Variants in PRKD1 observed in about 807,000 individuals in gnomAD.
PRKD1 encodes the protein serine/threonine-protein kinase D1.
PRKD1 carries 63 observed loss-of-function variants against 95.9 expected under a neutral mutation model. The observed-to-expected ratio is 0.66, with a 90% CI of 0.54 to 0.81. The LOEUF (loss-of-function observed/expected upper bound fraction) is 0.81, where lower values mean the gene tolerates loss of function less well. PRKD1 is among the 30% of genes least tolerant of loss of function. PRKD1 has a pLI of 0.00. For missense variants in PRKD1, 1,048 were observed against 1,165.3 expected (o/e 0.90, Z 1.47); for synonymous variants, 425 against 423.1 (o/e 1.00, Z -0.05).
Position 29,839,359 on chromosome 14 carries a change from G to A in PRKD1, c.264+87890C>T, listed in dbSNP as rs182019524. On this transcript the variant is annotated intron_variant, in intron 1 of 17. Coordinates refer to ENST00000331968, the MANE Select transcript of PRKD1 (RefSeq NM_002742.3). ...AGAATTGTAATAGGAGATGAATCAT[G>A]GTACCACCAGTACTATCCTGAAAAC... is the stretch of plus-strand genomic sequence containing the variant. Among the ~76,000 whole-genome samples, 92 of 152,282 alleles carry A rather than the reference G, an allele frequency of 6.0e-4. No homozygotes were observed. The South Asian group carries it at 0.017, about 28-fold the overall frequency.
chr14:29,610,561 T>C (rs1203971263), intron 13 of PRKD1, among the ~76,000 whole-genome samples: 1 of 152,198 alleles, frequency 6.6e-6, no homozygotes. Context: ...CTTTAATTCA[T>C]TGCTGGTGGG....
chr14:29,925,766 G>A (rs1261454746), intron 1 of PRKD1, among the ~76,000 whole-genome samples: 2 of 152,186 alleles, frequency 1.3e-5, no homozygotes, highest in African/African-American at 2.4e-5. Flanking sequence ...AGTTAAAATT[G>A]TACAGAATTA....
intron 1 of PRKD1, among the ~76,000 whole-genome samples, chr14:29,779,714 A>G (rs1888953210): frequency 6.6e-6 from 1 of 152,214 alleles, no homozygotes; most frequent in Non-Finnish European, 1.5e-5. Flanking sequence ...CATACTGCCC[A>G]AGGTAATTTA....
chr14:29,848,330 C>A (rs1021750623), intron 1 of PRKD1, among the ~76,000 whole-genome samples: 2 of 152,008 alleles, frequency 1.3e-5, no homozygotes, highest in African/African-American at 4.8e-5. Context: ...GCTGAAGTGA[C>A]GTCCAGAAGA....
chr14:29,664,284 T>C (rs1012391755), intron 3 of PRKD1, among the ~76,000 whole-genome samples: 1 of 152,290 alleles, frequency 6.6e-6, no homozygotes, highest in Non-Finnish European at 1.5e-5. Flanking sequence ...CTTGTCTACA[T>C]GGCCTGGAAC....
chr14:29,818,683 T>C (rs371965541), intron 1 of PRKD1, among the ~76,000 whole-genome samples: 6 of 151,734 alleles, frequency 4.0e-5, no homozygotes, highest in East Asian at 1.9e-4. Context: ...TCAATATCAA[T>C]GGAAAGTCAC....
chr14:29,902,141 C>T (rs45613335), intron 1 of PRKD1, among the ~76,000 whole-genome samples: 9,849 of 152,022 alleles, frequency 0.065, 398 homozygotes, highest in South Asian at 0.11. Context: ...CACCTGGAAT[C>T]CCAGCTACTT....
intron 4 of PRKD1, among the ~76,000 whole-genome samples, chr14:29,643,674 T>C (rs1200453955): frequency 2.0e-5 from 3 of 152,236 alleles, no homozygotes; most frequent in Non-Finnish European, 4.4e-5. Context: ...CAACAAGGTA[T>C]ATTCCACTTA....
intron 13 of PRKD1, among the ~76,000 whole-genome samples, chr14:29,612,115 T>C (rs1367118943): frequency 2.6e-5 from 4 of 152,200 alleles, no homozygotes; most frequent in Non-Finnish European, 5.9e-5. Flanking sequence ...AAAGTGAGCA[T>C]GTAGGGTCTA....
intron 2 of PRKD1, among the ~76,000 whole-genome samples, chr14:29,667,350 G>GT (rs1882583431): frequency 1.3e-5 from 2 of 152,146 alleles, no homozygotes; most frequent in African/African-American, 4.8e-5. Context: ...ACTTAACTTT[G>GT]TAAGATTTTA....
At chr14:29,734,846 CT>C (rs1406707132) in intron 1 of PRKD1, among the ~76,000 whole-genome samples, 1 of 152,148 alleles carries the variant, frequency 6.6e-6, no homozygotes, top group Non-Finnish European at 1.5e-5. Flanking sequence ...TTGGCTTGGC[CT>C]CCCTGAGCTC....
intron 13 of PRKD1, among the ~76,000 whole-genome samples, chr14:29,618,904 C>G (rs889868633): frequency 6.6e-6 from 1 of 152,110 alleles, no homozygotes; most frequent in Non-Finnish European, 1.5e-5. Flanking sequence ...ATCTGAGGAC[C>G]TAGCAGAGCT....
At chr14:29,827,424 G>A (rs896183908) in intron 1 of PRKD1, among the ~76,000 whole-genome samples, 1 of 152,074 alleles carries the variant, frequency 6.6e-6, no homozygotes, top group Non-Finnish European at 1.5e-5. Context: ...TCTGGACTCT[G>A]AGTCCAGAGA....
At chr14:29,642,596 T>A (rs539268757) in intron 4 of PRKD1, among the ~76,000 whole-genome samples, 72 of 152,322 alleles carry the variant, frequency 4.7e-4, no homozygotes, top group African/African-American at 1.7e-3. Flanking sequence ...TTTCATTATA[T>A]ATCAAGTTTA....
At chr14:29,749,322 A>C (rs1887372099) in intron 1 of PRKD1, among the ~76,000 whole-genome samples, 1 of 152,180 alleles carries the variant, frequency 6.6e-6, no homozygotes, top group Admixed American at 6.5e-5. Context: ...GGGGTGGTAA[A>C]CCAGTTGTTA....
intron 2 of PRKD1, among the ~76,000 whole-genome samples, chr14:29,666,585 A>G (rs1416522514): frequency 1.3e-5 from 2 of 152,170 alleles, no homozygotes; most frequent in African/African-American, 2.4e-5. Flanking sequence ...ATTCAAAAAT[A>G]TTAATGAAAA....
intron 2 of PRKD1, among the ~76,000 whole-genome samples, chr14:29,705,831 C>T (rs890183244): frequency 6.6e-6 from 1 of 152,114 alleles, no homozygotes; most frequent in Non-Finnish European, 1.5e-5. Context: ...TAATATTCTA[C>T]TGAATGGGTA....
In PRKD1 at chr14:29,629,024, A is replaced by C; in HGVS notation, c.1725+17T>G. 7 of 1,522,438 alleles carry C rather than the reference A, an allele frequency of 4.6e-6. No individual in the cohort carries two copies. The highest frequency in any genetic ancestry group is 1.9e-5 in the Admixed American group (1 of 52,092). The allele number at this position is 1,522,438 out of a possible 1,614,324, so 94.3% of individuals were successfully genotyped here. On this transcript the variant is annotated intron_variant, in intron 11 of 17. Transcript: ENST00000331968. ...TAATCACATTAGCAAGTTTTATATTAGTAGGTACATACTTACCACATTTTC... is the reference window on the plus strand; with the variant it reads ...TAATCACATTAGCAAGTTTTATATTCGTAGGTACATACTTACCACATTTTC...
Position 29,927,345 on chromosome 14 carries a change from G to A in PRKD1, c.168C>T (p.Gly56=). ...VGGISFHLQI[G]LSREPVLLLQ... ...GCAGCAGCACCGGCTCACGGCTCAG[G>A]CCGATCTGCAGATGGAACGAGATGC... Residue 56 remains glycine, a synonymous_variant, in exon 1 of 18, where the codon GGC becomes GGT. Transcript: ENST00000331968. The A allele has an allele frequency of 3.8e-6, 6 of 1,567,486 alleles. No individual in the cohort carries two copies. In the Middle Eastern group the frequency reaches 1.0e-3, roughly 264 times the overall value.
Sources: allele counts gnomAD v4.1 joint callset (sites outside exome capture counted in the v4.1 genomes callset), GRCh38; gene constraint gnomAD v4.1.1; transcripts MANE v1.5; gene names NCBI Gene and HGNC (gene_info 2026-07-23, HGNC 2026-07-21).